RBFOX3: variants seen among roughly 807,000 people sequenced by gnomAD.
The protein encoded by RBFOX3 is RNA binding fox-1 homolog 3.
RBFOX3 carries 17 observed loss-of-function variants against 48.7 expected under a neutral mutation model. The ratio of observed to expected loss-of-function variants is 0.35; its 90% CI spans 0.24 to 0.52. The LOEUF (loss-of-function observed/expected upper bound fraction) is 0.52, where lower values mean the gene tolerates loss of function less well. Ranked by LOEUF, RBFOX3 falls within the 20% of genes least tolerant of loss-of-function variation. The pLI, the probability that RBFOX3 is intolerant of heterozygous loss-of-function variation, is 0.94. For missense variants in RBFOX3, 382 were observed against 497.5 expected (o/e 0.77, Z 2.21); for synonymous variants, 212 against 209.5 (o/e 1.01, Z -0.10).
chr17:79,611,191 C>CTCCGCCCTCCT (rs2093966111), upstream of RBFOX3, among the ~76,000 whole-genome samples: 1 of 126,346 alleles, frequency 7.9e-6, no homozygotes, highest in Non-Finnish European at 1.7e-5. Context: ...CCTTCTCTCT[C>CTCCGCCCTCCT]TCTCTCTCTC....
chr17:79,217,541 G>A (rs1347917115), intron 4 of RBFOX3, among the ~76,000 whole-genome samples: 2 of 152,140 alleles, frequency 1.3e-5, no homozygotes, highest in South Asian at 2.1e-4. Context: ...CAGGGTGCTC[G>A]AGGGAGCTGC....
At chr17:79,397,135 C>G (rs1172143417) in intron 2 of RBFOX3, among the ~76,000 whole-genome samples, 1 of 152,192 alleles carries the variant, frequency 6.6e-6, no homozygotes, top group African/African-American at 2.4e-5. Context: ...CGCGGACAGG[C>G]AGGATTTCCT....
chr17:79,523,621 A>G (rs2150015987), intron 1 of RBFOX3, among the ~76,000 whole-genome samples: 1 of 152,322 alleles, frequency 6.6e-6, no homozygotes, highest in East Asian at 1.9e-4. Flanking sequence ...CCATTGGTTC[A>G]TGGACAGAGA....
intron 4 of RBFOX3, among the ~76,000 whole-genome samples, chr17:79,134,779 C>A (rs904899898): frequency 3.9e-5 from 6 of 152,184 alleles, no homozygotes; most frequent in African/African-American, 1.2e-4. Context: ...GGACGCCACT[C>A]GGAACATCAG....
At chr17:79,261,996 A>C (rs954457974) in intron 3 of RBFOX3, among the ~76,000 whole-genome samples, 7 of 152,224 alleles carry the variant, frequency 4.6e-5, no homozygotes, top group African/African-American at 1.7e-4. Flanking sequence ...GGGATCCTTC[A>C]CACACTCCAA....
Position 79,154,462 on chromosome 17 carries a change from A to G in RBFOX3, c.-33-38714T>C, listed in dbSNP as rs375919293. Among the ~76,000 whole-genome samples the G allele has an allele frequency of 1.9e-3, 282 of 152,336 alleles. 1 individual carries two copies. The highest frequency in any genetic ancestry group is 6.5e-3 in the African/African-American group (272 of 41,588). On this transcript the variant is annotated intron_variant, in intron 4 of 14. Transcript: ENST00000693108. ...ATGCCCGGCACATAGCAGGTGTTCA[A>G]TAAAGGAGTGAGTGCCTAAGTGGAC...
the RBFOX3 span, among the ~76,000 whole-genome samples, chr17:79,662,903 C>T: frequency 1.3e-5 from 2 of 152,106 alleles, no homozygotes; most frequent in African/African-American, 4.8e-5. Flanking sequence ...TGTCTCTCTT[C>T]TCCCCGCTCC....
chr17:79,636,593 G>A, the RBFOX3 span, among the ~76,000 whole-genome samples: 1 of 152,008 alleles, frequency 6.6e-6, no homozygotes, highest in Non-Finnish European at 1.5e-5. Context: ...AATGTGATCA[G>A]CTTTAAATGG....
intron 2 of RBFOX3, among the ~76,000 whole-genome samples, chr17:79,349,038 T>C (rs960196986): frequency 6.6e-6 from 1 of 151,924 alleles, no homozygotes; most frequent in African/African-American, 2.4e-5. Flanking sequence ...CCTCTATCTC[T>C]CCCTCTTCCC....
intron 1 of RBFOX3, among the ~76,000 whole-genome samples, chr17:79,560,847 T>A (rs1185618423): frequency 1.3e-5 from 2 of 152,188 alleles, no homozygotes; most frequent in African/African-American, 4.8e-5. Context: ...CGTCCTCTCC[T>A]TTTCTCAGCT....
intron 2 of RBFOX3, among the ~76,000 whole-genome samples, chr17:79,440,832 G>A (rs1555734438): frequency 1.3e-5 from 2 of 151,432 alleles, no homozygotes; most frequent in Non-Finnish European, 2.9e-5. Flanking sequence ...TCCTGACCAC[G>A]GCCTCCCTTC....
Position 79,205,323 on chromosome 17 carries a change from A to G in RBFOX3, c.-34+30443T>C, listed in dbSNP as rs968733294. Among the ~76,000 whole-genome samples, 1 of 152,170 alleles carries G rather than the reference A, an allele frequency of 6.6e-6. No individual in the cohort carries two copies. The highest frequency in any genetic ancestry group is 6.5e-5 in the Admixed American group (1 of 15,274). Reference sequence around the variant, plus strand: ...TGGGGGTCCACAGAAACCCAGGGATATATGACATCCTGAACCACATCCATC... The same window carrying G: ...TGGGGGTCCACAGAAACCCAGGGATGTATGACATCCTGAACCACATCCATC... On this transcript the variant is annotated intron_variant, in intron 4 of 14. Coordinates refer to ENST00000693108, the MANE Select transcript of RBFOX3 (RefSeq NM_001350451.2). This position sits in a 1 kb window ranked among gnomAD's most constrained non-coding sequence, Gnocchi z 4.5.
Position 79,178,789 on chromosome 17 carries a change from G to A in RBFOX3, c.-34+56977C>T, listed in dbSNP as rs373332769. ...CCAATCATTCCCAGGGAGTGAGGGC[G>A]CAGGACCGCTGCGTGGGTTCATTCA... On this transcript the variant is annotated intron_variant, in intron 4 of 14. Transcript: ENST00000693108. 2.7e-3 allele frequency among the ~76,000 whole-genome samples: 410 copies of A among 152,318 alleles called. 16 individuals are homozygous for A. The South Asian group carries it at 0.08, about 30-fold the overall frequency.
intron 2 of RBFOX3, among the ~76,000 whole-genome samples, chr17:79,456,944 A>G (rs1451655155): frequency 6.6e-6 from 1 of 152,178 alleles, no homozygotes; most frequent in Non-Finnish European, 1.5e-5. Context: ...GCCCATTCCC[A>G]TGGGAGTCCT....
chr17:79,338,662 TGA>T (rs1335707882), intron 2 of RBFOX3, among the ~76,000 whole-genome samples: 1 of 152,182 alleles, frequency 6.6e-6, no homozygotes, highest in African/African-American at 2.4e-5. Context: ...GTAGAATCTG[TGA>T]GTTTACCATT....
At chr17:79,530,346 G>A (rs2087536094) in intron 1 of RBFOX3, among the ~76,000 whole-genome samples, 2 of 152,236 alleles carry the variant, frequency 1.3e-5, no homozygotes, top group South Asian at 2.1e-4. Flanking sequence ...GTCCCTCTGC[G>A]AATAAATCCC....
At chr17:79,375,640 G>A (rs2059135635) in intron 2 of RBFOX3, among the ~76,000 whole-genome samples, 1 of 152,114 alleles carries the variant, frequency 6.6e-6, no homozygotes, top group South Asian at 2.1e-4. Flanking sequence ...GCAAGTGGCT[G>A]CAGTGATGGA....
At chr17:79,644,768 T>C in the RBFOX3 span, among the ~76,000 whole-genome samples, 5 of 152,198 alleles carry the variant, frequency 3.3e-5, no homozygotes, top group Non-Finnish European at 7.3e-5. Context: ...CCTAAACAAA[T>C]GAAGACATAT....
At chr17:79,337,842 G>A (rs894620491) in intron 2 of RBFOX3, among the ~76,000 whole-genome samples, 1 of 151,998 alleles carries the variant, frequency 6.6e-6, no homozygotes, top group African/African-American at 2.4e-5. Flanking sequence ...CACACACAGA[G>A]TTCTTATAGC....
Sources: gnomAD v4.1 joint callset for allele counts (sites outside exome capture counted in the v4.1 genomes callset) on GRCh38, gnomAD v4.1.1 for gene constraint, Gnocchi (gnomAD v3.1) non-coding constraint, MANE v1.5 for transcripts, NCBI Gene and HGNC (gene_info 2026-07-23, HGNC 2026-07-21) for gene names.